Variants in TMC1 observed in about 807,000 individuals in gnomAD.
TMC1 encodes transmembrane channel like 1.
In TMC1, 84 loss-of-function variants were observed where a neutral mutation model predicts 105.8. The observed-to-expected ratio is 0.79, with a 90% CI of 0.67 to 0.95. TMC1 has a LOEUF of 0.95. Among genes scored for constraint, TMC1 ranks in the 40% least tolerant of loss-of-function variants. The pLI, the probability that TMC1 is intolerant of heterozygous loss-of-function variation, is 0.00. For missense variants in TMC1, 817 were observed against 914.1 expected (o/e 0.89, Z 1.37); for synonymous variants, 315 against 311.5 (o/e 1.01, Z -0.12).
At chr9:72,701,303 C>T (rs750074325) in intron 8 of TMC1, among the ~76,000 whole-genome samples, 2 of 152,118 alleles carry the variant, frequency 1.3e-5, no homozygotes, top group African/African-American at 2.4e-5. Context: ...AATGTGGACG[C>T]GAACGCAGTC....
chr9:72,600,207 T>C (rs560010077), intron 2 of TMC1, among the ~76,000 whole-genome samples: 152 of 152,314 alleles, frequency 1.0e-3, no homozygotes, highest in Admixed American at 1.5e-3. Flanking sequence ...AAATATACAC[T>C]TTGGTTCATT....
chr9:72,644,182 A>C, intron 4 of TMC1, among the ~76,000 whole-genome samples: 1 of 152,090 alleles, frequency 6.6e-6, no homozygotes, highest in East Asian at 1.9e-4. Context: ...TCCTTTAACA[A>C]ATGTATGATT....
chr9:72,572,132 G>A (rs959808746), intron 1 of TMC1, among the ~76,000 whole-genome samples: 2 of 151,898 alleles, frequency 1.3e-5, no homozygotes, highest in African/African-American at 4.8e-5. Flanking sequence ...CACTGTGCTT[G>A]GCCAATTATT....
intron 2 of TMC1, among the ~76,000 whole-genome samples, chr9:72,610,636 T>C (rs1369543969): frequency 6.6e-6 from 1 of 152,232 alleles, no homozygotes; most frequent in African/African-American, 2.4e-5. Context: ...TTACCCAGTC[T>C]ACTGATTTAG....
At chr9:72,745,038 C>A (rs1164043805) in intron 10 of TMC1, among the ~76,000 whole-genome samples, 1 of 152,092 alleles carries the variant, frequency 6.6e-6, no homozygotes, top group Non-Finnish European at 1.5e-5. Context: ...GATTATTTTT[C>A]TTTCCATATA....
chr9:72,540,982 G>T (rs1200654872), intron 1 of TMC1, among the ~76,000 whole-genome samples: 1 of 152,114 alleles, frequency 6.6e-6, no homozygotes, highest in Non-Finnish European at 1.5e-5. Context: ...ATACTACCCA[G>T]CTTTATTAAA....
chr9:72,604,369 T>A (rs973098480), intron 2 of TMC1, among the ~76,000 whole-genome samples: 2 of 152,194 alleles, frequency 1.3e-5, no homozygotes, highest in Admixed American at 1.3e-4. Flanking sequence ...GAAGATTATA[T>A]TTCTATGCCC....
chr9:72,681,563 G>C (rs1037818773), intron 5 of TMC1, among the ~76,000 whole-genome samples: 1 of 152,056 alleles, frequency 6.6e-6, no homozygotes, highest in African/African-American at 2.4e-5. Flanking sequence ...TGCTCTTCCA[G>C]CTCAGGGGTG....
At chr9:72,726,967 A>G (rs562547030) in intron 8 of TMC1, among the ~76,000 whole-genome samples, 4 of 152,350 alleles carry the variant, frequency 2.6e-5, no homozygotes, top group South Asian at 4.1e-4. Flanking sequence ...TCATTAGAAC[A>G]TGTTTGATTA....
intron 23 of TMC1, among the ~76,000 whole-genome samples, chr9:72,834,865 A>G (rs574670235): frequency 6.6e-6 from 1 of 152,058 alleles, no homozygotes; most frequent in East Asian, 1.9e-4. Flanking sequence ...TTGCCCCACC[A>G]AGCTTGACTG....
chr9:72,636,180 C>T (rs979522930), intron 4 of TMC1, among the ~76,000 whole-genome samples: 2 of 152,128 alleles, frequency 1.3e-5, no homozygotes, highest in African/African-American at 4.8e-5. Context: ...GAAACTGGTG[C>T]ACATTTAAGT....
chr9:72,602,616 C>G (rs1824836817), intron 2 of TMC1, among the ~76,000 whole-genome samples: 1 of 151,964 alleles, frequency 6.6e-6, no homozygotes, highest in South Asian at 2.1e-4. Flanking sequence ...CTCAAGTGAT[C>G]CATCCGCCTC....
chr9:72,724,153 G>A (rs1235840417), intron 8 of TMC1, among the ~76,000 whole-genome samples: 9 of 152,244 alleles, frequency 5.9e-5, no homozygotes, highest in Admixed American at 5.2e-4. Context: ...AAAGAACCTT[G>A]TTTTAGTTTC....
rs571464959 is a variant in TMC1 at position 72,584,021 on chromosome 9, G to A, written c.-306+5998G>A. Among the ~76,000 whole-genome samples, 333 of 152,256 alleles carry A rather than the reference G, an allele frequency of 2.2e-3. 4 individuals carry two copies. Among genetic ancestry groups the A allele is most frequent in the African/African-American group, 7.7e-3 (321 of 41,538 alleles). The stretch of plus-strand genomic sequence containing the variant: ...GCCAGACAAAGATGTTCCTGGCAGG[G>A]GGGTTAATAATGTTAACAGTACTCA... On this transcript the variant is annotated intron_variant, in intron 2 of 23. Transcript: ENST00000297784.
intron 19 of TMC1, among the ~76,000 whole-genome samples, chr9:72,817,734 T>G (rs2118289388): frequency 6.6e-6 from 1 of 152,322 alleles, no homozygotes; most frequent in East Asian, 1.9e-4. Context: ...TCACTACTGA[T>G]TTTGCAACTA....
intron 1 of TMC1, among the ~76,000 whole-genome samples, chr9:72,538,185 G>C (rs1823615814): frequency 1.3e-5 from 2 of 151,178 alleles, no homozygotes; most frequent in South Asian, 4.2e-4. Context: ...TGAAAGTCAA[G>C]GTTCTTGTCA....
intron 7 of TMC1, among the ~76,000 whole-genome samples, chr9:72,699,723 G>A (rs967185982): frequency 1.3e-5 from 2 of 152,004 alleles, no homozygotes; most frequent in Admixed American, 6.6e-5. Flanking sequence ...TTGGGAGGCC[G>A]GGGAGGGTGG....
chr9:72,541,705 C>T (rs1823681630), intron 1 of TMC1, among the ~76,000 whole-genome samples: 1 of 151,068 alleles, frequency 6.6e-6, no homozygotes, highest in Non-Finnish European at 1.5e-5. Context: ...AAAAAAAGAG[C>T]CTAGAAGCTT....
intron 1 of TMC1, among the ~76,000 whole-genome samples, chr9:72,531,936 T>G (rs1823503943): frequency 6.6e-6 from 1 of 152,078 alleles, no homozygotes; most frequent in African/African-American, 2.4e-5. Flanking sequence ...TCTTTTATTT[T>G]TATTTATTTA....
Sources: gnomAD v4.1 joint callset for allele counts (sites outside exome capture counted in the v4.1 genomes callset) on GRCh38, gnomAD v4.1.1 for gene constraint, MANE v1.5 for transcripts, NCBI Gene and HGNC (gene_info 2026-07-23, HGNC 2026-07-21) for gene names.